The following TRHDE variants were observed in gnomAD, a reference collection of about 807,000 sequenced individuals.
TRHDE encodes the protein thyrotropin-releasing hormone-degrading ectoenzyme.
TRHDE carries 72 observed loss-of-function variants against 125.7 expected under a neutral mutation model. That is an observed-to-expected ratio of 0.57 (90% CI 0.47 to 0.70). The LOEUF (loss-of-function observed/expected upper bound fraction) is 0.70. Among genes scored for constraint, TRHDE ranks in the 30% least tolerant of loss-of-function variants. The probability of loss-of-function intolerance (pLI) is 0.00; values close to 1 mark genes in which losing one functional copy is unlikely to be tolerated. For synonymous variants in TRHDE, 509 were observed against 509.1 expected (o/e 1.00, Z 0.00); for missense variants, 1,110 against 1,327.1 (o/e 0.84, Z 2.54).
chr12:72,625,467 A>G (rs1047903671), intron 15 of TRHDE, among the ~76,000 whole-genome samples: 1 of 151,818 alleles, frequency 6.6e-6, no homozygotes, highest in Admixed American at 6.6e-5. Flanking sequence ...AAACCGAAAA[A>G]AAAAGTCAAT....
In TRHDE at chr12:72,408,186, T is replaced by C. The variant is rs541747757; in HGVS notation, c.1315+30065T>C. On this transcript the variant is annotated intron_variant, in intron 3 of 18. Transcript: ENST00000261180. ...CCACTCTCAGACAAGCACTCTCTAA[T>C]AGTGACATTAATCTATTGATGAGGG... 2.0e-5 allele frequency among the ~76,000 whole-genome samples: 3 copies of C among 152,290 alleles called. 1 individual carries two copies. Among genetic ancestry groups the C allele is most frequent in the African/African-American group, 7.2e-5 (3 of 41,566 alleles).
chr12:72,377,981 A>T lies in TRHDE; in HGVS notation c.1189-14A>T, dbSNP rs373462848. The T allele has an allele frequency of 1.3e-6, 2 of 1,547,784 alleles. No homozygotes were observed. The highest frequency in any genetic ancestry group is 4.3e-5 in the Admixed American group (2 of 46,584). On this transcript the variant is annotated splice_polypyrimidine_tract_variant and intron_variant, in intron 2 of 18. Coordinates refer to ENST00000261180, the MANE Select transcript of TRHDE (RefSeq NM_013381.3). ...TAAAAGGCTAAAGTAACTTTTATAT[A>T]TATTTTTAATTAGGTACGATTATAT...
rs1375153349 is a variant in TRHDE, at chr12:72,137,693, G to A, written n.279+31941G>A. 2.6e-5 allele frequency: 4 copies of A among 152,320 alleles called. No homozygotes were observed. The East Asian group carries it at 5.8e-4, about 22-fold the overall frequency. 9.4% of individuals were successfully genotyped at this position (152,320 alleles called of 1,614,324 possible). ...TATGTGACCATTTCCTGATCAGTTA[G>A]AACTATTCTCCTTCAGGAGAATTAG... On this transcript the variant is annotated intron_variant and non_coding_transcript_variant, in intron 2 of 4. Coordinates refer to the TRHDE transcript ENST00000548156.
At chr12:72,294,628 G>A (rs1880217332) in intron 2 of TRHDE, among the ~76,000 whole-genome samples, 1 of 152,050 alleles carries the variant, frequency 6.6e-6, no homozygotes, top group South Asian at 2.1e-4. Flanking sequence ...GCCATGGTTG[G>A]GCCGGGAAAA....
chr12:72,265,480 T>C (rs1879046240), intron 2 of TRHDE, among the ~76,000 whole-genome samples: 1 of 151,720 alleles, frequency 6.6e-6, no homozygotes, highest in African/African-American at 2.4e-5. Context: ...TGTCATGTGG[T>C]GGAAGAAACT....
At chr12:72,446,955 A>C (rs1180139466) in intron 3 of TRHDE, among the ~76,000 whole-genome samples, 1 of 152,136 alleles carries the variant, frequency 6.6e-6, no homozygotes, top group Non-Finnish European at 1.5e-5. Flanking sequence ...TAGACAGATC[A>C]ACGAGACAGA....
chr12:72,585,601 C>T (rs918416302), intron 12 of TRHDE, among the ~76,000 whole-genome samples: 3 of 152,156 alleles, frequency 2.0e-5, no homozygotes, highest in African/African-American at 7.2e-5. Context: ...TAAAGCATAC[C>T]TGGTTTTGCT....
chr12:72,344,266 ATAGAGG>A (rs941170805), intron 2 of TRHDE, among the ~76,000 whole-genome samples: 1 of 152,148 alleles, frequency 6.6e-6, no homozygotes, highest in Non-Finnish European at 1.5e-5. Context: ...TATTTCTCTC[ATAGAGG>A]TAAAGTGTAC....
intron 2 of TRHDE, among the ~76,000 whole-genome samples, chr12:72,329,961 A>T (rs117638804): frequency 2.5e-3 from 378 of 152,266 alleles, no homozygotes; most frequent in Non-Finnish European, 4.2e-3. Context: ...TGAACGTGGG[A>T]CTCCAAAAAA....
At chr12:72,189,595 G>T (rs1180980999) in intron 2 of TRHDE, among the ~76,000 whole-genome samples, 1 of 152,206 alleles carries the variant, frequency 6.6e-6, no homozygotes, top group Non-Finnish European at 1.5e-5. Context: ...AAAGAAAAAT[G>T]TAGGGGCTAG....
At chr12:72,097,440 A>ATTTTTTTTTTTTTTT (rs869290442) in intron 1 of TRHDE, among the ~76,000 whole-genome samples, 9 of 21,640 alleles carry the variant, frequency 4.2e-4, no homozygotes, top group African/African-American at 8.5e-4. Flanking sequence ...TTCTCACTGA[A>ATTTTTTTTTTTTTTT]TTTTTTTTTT....
At chr12:72,203,934 C>G (rs1279819178) in intron 2 of TRHDE, among the ~76,000 whole-genome samples, 1 of 152,202 alleles carries the variant, frequency 6.6e-6, no homozygotes, top group East Asian at 1.9e-4. Context: ...CTTTCCCAAT[C>G]ATAGCATCGG....
intron 2 of TRHDE, among the ~76,000 whole-genome samples, chr12:72,221,758 A>C (rs1387169530): frequency 1.3e-5 from 2 of 152,160 alleles, no homozygotes; most frequent in African/African-American, 2.4e-5. Context: ...AGGTCACCAG[A>C]ATACCATACA....
chr12:72,152,813 G>T (rs1285717495), intron 2 of TRHDE, among the ~76,000 whole-genome samples: 1 of 152,168 alleles, frequency 6.6e-6, no homozygotes, highest in African/African-American at 2.4e-5. Flanking sequence ...TTTTATTGAG[G>T]ATTTTTGCAT....
intron 3 of TRHDE, among the ~76,000 whole-genome samples, chr12:72,387,726 C>T (rs1435938406): frequency 6.6e-6 from 1 of 152,058 alleles, no homozygotes; most frequent in East Asian, 1.9e-4. Context: ...GGGGTGGTTT[C>T]CCTCAGACTG....
chr12:72,559,611 T>G (rs1456561517), intron 7 of TRHDE, among the ~76,000 whole-genome samples: 2 of 152,178 alleles, frequency 1.3e-5, no homozygotes, highest in Non-Finnish European at 2.9e-5. Flanking sequence ...ATACCTAGTA[T>G]AGAGAAACCA....
intron 2 of TRHDE, among the ~76,000 whole-genome samples, chr12:72,249,942 A>G (rs1462873353): frequency 6.6e-6 from 1 of 152,206 alleles, no homozygotes; most frequent in Non-Finnish European, 1.5e-5. Context: ...TACCACTTAT[A>G]TAACTTATAT....
intron 10 of TRHDE, among the ~76,000 whole-genome samples, chr12:72,569,108 G>T (rs1156685575): frequency 6.6e-6 from 1 of 152,152 alleles, no homozygotes. Context: ...AGGGCCAGAA[G>T]GTGGGGGGCT....
chr12:72,432,412 G>T (rs763007455), intron 3 of TRHDE, among the ~76,000 whole-genome samples: 5 of 152,050 alleles, frequency 3.3e-5, no homozygotes, highest in Non-Finnish European at 7.4e-5. Flanking sequence ...ATGATCAAAG[G>T]TCAGTTCCTG....
Sources: allele counts gnomAD v4.1 joint callset (sites outside exome capture counted in the v4.1 genomes callset), GRCh38; gene constraint gnomAD v4.1.1; transcripts MANE v1.5; gene names NCBI Gene and HGNC (gene_info 2026-07-23, HGNC 2026-07-21).